WWP1: variants seen among roughly 807,000 people sequenced by gnomAD.
The protein encoded by WWP1 is WW domain containing E3 ubiquitin protein ligase 1.
WWP1 carries 49 observed loss-of-function variants against 130.6 expected under a neutral mutation model. The observed-to-expected ratio is 0.38, with a 90% CI of 0.30 to 0.48. WWP1 has a LOEUF of 0.48. Ranked by LOEUF, WWP1 falls within the 20% of genes least tolerant of loss-of-function variation. The pLI, the probability that WWP1 is intolerant of heterozygous loss-of-function variation, is 0.99. For missense variants in WWP1, 809 were observed against 1,100.6 expected (o/e 0.74, Z 3.75); for synonymous variants, 332 against 367.8 (o/e 0.90, Z 1.11).
intron 2 of WWP1, among the ~76,000 whole-genome samples, chr8:86,370,908 C>T (rs1824257733): frequency 1.7e-5 from 2 of 114,602 alleles, no homozygotes; most frequent in African/African-American, 3.8e-5. Flanking sequence ...CTCTGTTGCC[C>T]AGGCTGGAGT....
intron 1 of WWP1, among the ~76,000 whole-genome samples, chr8:86,349,736 A>G (rs1822808753): frequency 6.6e-6 from 1 of 151,718 alleles, no homozygotes; most frequent in Non-Finnish European, 1.5e-5. Context: ...GTGCCACCAT[A>G]ATAGGGTAGG....
At chr8:86,377,767 G>A (rs1246052878) in intron 3 of WWP1, among the ~76,000 whole-genome samples, 1 of 152,240 alleles carries the variant, frequency 6.6e-6, no homozygotes, top group African/African-American at 2.4e-5. Context: ...GAAGCATAGA[G>A]TATGCAAGAT....
Position 86,381,579 on chromosome 8 carries a change from GA to G in WWP1, c.288del (p.Ala97GlnfsTer3). On this transcript the variant is annotated frameshift_variant, in exon 5 of 25. Coordinates refer to ENST00000517970, the MANE Select transcript of WWP1 (RefSeq NM_007013.4). LOFTEE classifies it high-confidence loss of function. ...HRTLKADALL[G>X]KATIDLKQAL... ...ACTTTAAAAGCAGATGCTTTATTAG[GA>G]AAAGCAACGATAGATTTGAAACAAG... 6.2e-7 allele frequency: 1 copy of G among 1,609,984 alleles called. No homozygotes were observed.
chr8:86,452,537 T>G, intron 20 of WWP1, 22 bp from the exon 21 acceptor site: 3 of 1,581,222 alleles, frequency 1.9e-6, no homozygotes, highest in Middle Eastern at 4.4e-4. Flanking sequence ...TACCTATTTT[T>G]AAATACCATC....
At chr8:86,381,463 A>G (rs753955889) in intron 4 of WWP1, 42 bp from the exon 5 acceptor site, 6 of 1,561,696 alleles carry the variant, frequency 3.8e-6, no homozygotes, top group African/African-American at 1.4e-5. Flanking sequence ...TAGAATGACA[A>G]CGTCTACTCC....
chr8:86,358,640 TG>T (rs1241810920), intron 1 of WWP1, among the ~76,000 whole-genome samples: 3 of 151,884 alleles, frequency 2.0e-5, no homozygotes, highest in Non-Finnish European at 2.9e-5. Context: ...ACCCAGCTAT[TG>T]TTTTTTTTTA....
At chr8:86,371,282 C>T (rs550298408) in intron 2 of WWP1, among the ~76,000 whole-genome samples, 195 of 152,260 alleles carry the variant, frequency 1.3e-3, no homozygotes, top group African/African-American at 4.5e-3. Flanking sequence ...CAATGGACAT[C>T]TGAGTATTTT....
Position 86,405,807 on chromosome 8 carries a change from C to T in WWP1, c.724+3604C>T, listed in dbSNP as rs534302853. Among the ~76,000 whole-genome samples, 7 of 152,066 alleles carry T rather than the reference C, an allele frequency of 4.6e-5. No homozygotes were observed. The South Asian group carries it at 1.5e-3, about 32-fold the overall frequency. ...TCAGCTTCCCAAATTGTTGGGATTA[C>T]AGGGGTGAGCTACCATGTTGTCCAC... On this transcript the variant is annotated intron_variant, in intron 8 of 24. Coordinates refer to ENST00000517970, the MANE Select transcript of WWP1 (RefSeq NM_007013.4).
intron 1 of WWP1, among the ~76,000 whole-genome samples, chr8:86,361,354 A>C (rs1188209120): frequency 1.3e-5 from 2 of 152,128 alleles, no homozygotes; most frequent in Non-Finnish European, 2.9e-5. Context: ...TCTGCTCCTC[A>C]ATACCTCTGC....
intron 9 of WWP1, among the ~76,000 whole-genome samples, chr8:86,419,212 G>A (rs1809058881): frequency 6.6e-6 from 1 of 152,216 alleles, no homozygotes; most frequent in Non-Finnish European, 1.5e-5. Flanking sequence ...TTGGTCAGGA[G>A]TTCAAGACCA....
At chr8:86,391,884 C>T (rs1807363734) in intron 5 of WWP1, among the ~76,000 whole-genome samples, 1 of 152,076 alleles carries the variant, frequency 6.6e-6, no homozygotes, top group African/African-American at 2.4e-5. Context: ...GAATGTCTTT[C>T]AGGCCCTTGA....
At chr8:86,351,430 G>A (rs529750616) in intron 1 of WWP1, among the ~76,000 whole-genome samples, 7 of 152,082 alleles carry the variant, frequency 4.6e-5, no homozygotes, top group Admixed American at 6.5e-5. Flanking sequence ...GCTTGACCTC[G>A]GGGGCTCAAG....
intron 5 of WWP1, among the ~76,000 whole-genome samples, chr8:86,382,937 G>A (rs1285996588): frequency 6.6e-6 from 1 of 152,170 alleles, no homozygotes; most frequent in Non-Finnish European, 1.5e-5. Flanking sequence ...AAATGCTGAT[G>A]ATGAAAATAG....
At position 86,468,315 on chromosome 8, in the gene WWP1, C is replaced by T. The variant is rs1282037693; in HGVS notation, c.*1422C>T. On this transcript the variant is annotated 3_prime_UTR_variant, in exon 25 of 25. Transcript: ENST00000517970. Reference sequence around the variant, plus strand: ...TTTCTACATATTGAGAGTGTGTTCTCCATTTTATTCAGAATTCATAGTAAA... The same window carrying T: ...TTTCTACATATTGAGAGTGTGTTCTTCATTTTATTCAGAATTCATAGTAAA... The T allele has an allele frequency of 2.3e-5, 10 of 428,900 alleles. No individual in the cohort carries two copies. Among genetic ancestry groups the T allele is most frequent in the African/African-American group, 2.1e-4 (10 of 48,124 alleles). The allele number at this position is 428,900 out of a possible 1,614,324, so 26.6% of individuals were successfully genotyped here.
At chr8:86,354,482 A>G (rs1284050831) in intron 1 of WWP1, among the ~76,000 whole-genome samples, 1 of 151,926 alleles carries the variant, frequency 6.6e-6, no homozygotes, top group Non-Finnish European at 1.5e-5. Flanking sequence ...TGGATAAAGG[A>G]TTGTGTCCCT....
chr8:86,371,596 A>T (rs948872550), intron 2 of WWP1, among the ~76,000 whole-genome samples: 11 of 152,134 alleles, frequency 7.2e-5, no homozygotes, highest in African/African-American at 2.7e-4. Context: ...GAGATTCAAC[A>T]TTGTTTCATG....
At chr8:86,365,201 A>C (rs1318367318) in intron 1 of WWP1, among the ~76,000 whole-genome samples, 2 of 152,234 alleles carry the variant, frequency 1.3e-5, no homozygotes, top group African/African-American at 4.8e-5. Context: ...AATAGTAAGA[A>C]TTGGGTATTC....
intron 7 of WWP1, 89 bp from the exon 8 acceptor site, chr8:86,401,917 CAAAAAAGAAACTT>C: frequency 8.5e-7 from 1 of 1,177,420 alleles, no homozygotes; most frequent in Non-Finnish European, 1.1e-6. Flanking sequence ...AAAGAAATAA[CAAAAAAGAAACTT>C]AAGAGAATTT....
rs1253780223 is a variant in WWP1 at position 86,374,116 on chromosome 8, A to G, written c.66A>G (p.Val22=). Residue 22 remains valine, a synonymous_variant, in exon 3 of 25, where the codon GTA becomes GTG. Coordinates refer to ENST00000517970, the MANE Select transcript of WWP1 (RefSeq NM_007013.4). ...NNHSGRLQLQ[V]TVSSAKLKRK... ...ACAGTGGAAGGTTGCAGTTACAGGTAACTGGTAAGTTATTTTTATATTTAA... is the reference window on the plus strand; with the variant it reads ...ACAGTGGAAGGTTGCAGTTACAGGTGACTGGTAAGTTATTTTTATATTTAA... 1 of 1,606,240 alleles carries G rather than the reference A, an allele frequency of 6.2e-7. No individual in the cohort carries two copies. Among genetic ancestry groups the G allele is most frequent in the Admixed American group, 1.7e-5 (1 of 58,452 alleles).
Sources: gnomAD v4.1 joint callset for allele counts (sites outside exome capture counted in the v4.1 genomes callset) on GRCh38, gnomAD v4.1.1 for gene constraint, MANE v1.5 for transcripts, NCBI Gene and HGNC (gene_info 2026-07-23, HGNC 2026-07-21) for gene names.